PCNX2: variants seen among roughly 807,000 people sequenced by gnomAD.
The protein encoded by PCNX2 is pecanex-like protein 2.
PCNX2 carries 168 observed loss-of-function variants against 223.8 expected under a neutral mutation model. That is an observed-to-expected ratio of 0.75 (90% CI 0.66 to 0.85). PCNX2 has a LOEUF of 0.85. Ranked by LOEUF, PCNX2 falls within the 40% of genes least tolerant of loss-of-function variation. PCNX2 has a pLI of 0.00. For synonymous variants in PCNX2, 1,006 were observed against 1,052.6 expected (o/e 0.96, Z 0.86); for missense variants, 2,507 against 2,675.5 (o/e 0.94, Z 1.39).
chr1:233,256,146 A>G (rs546820478), intron 5 of PCNX2, among the ~76,000 whole-genome samples: 1 of 152,178 alleles, frequency 6.6e-6, no homozygotes, highest in East Asian at 1.9e-4. Context: ...CTCAATTTCC[A>G]GTTTAACCCT....
chr1:233,048,748 T>C (rs981867142), intron 25 of PCNX2, among the ~76,000 whole-genome samples: 10 of 152,084 alleles, frequency 6.6e-5, no homozygotes, highest in African/African-American at 2.2e-4. Flanking sequence ...AGAAGATTGA[T>C]AGACCACTAA....
chr1:233,020,845 T>C (rs1670864767), intron 26 of PCNX2, among the ~76,000 whole-genome samples: 1 of 152,230 alleles, frequency 6.6e-6, no homozygotes, highest in Admixed American at 6.5e-5. Context: ...GTGGGGGAAC[T>C]GACCCAGTTT....
chr1:233,258,877 T>C lies in PCNX2; in HGVS notation c.985A>G (p.Thr329Ala). The change falls in exon 5 of 34, where the codon ACA (threonine) becomes GCA (alanine). Residue 329 changes from threonine to alanine, a missense_variant. Physicochemically the swap from Thr to Ala is moderately conservative, Grantham distance 58 (BLOSUM62 0). Coordinates refer to ENST00000258229, the MANE Select transcript of PCNX2 (RefSeq NM_014801.4). Reference protein sequence around the residue: ...VAKPVEEPADTSCQVDTSCQG... With the variant: ...VAKPVEEPADASCQVDTSCQG... ...CAGGAGGTATCTACCTGACAGGATG[T>C]GTCTGCTGGCTCCTCCACAGGCTTG... 1 of 1,613,930 alleles carries C rather than the reference T, an allele frequency of 6.2e-7. No individual in the cohort carries two copies. Among genetic ancestry groups the C allele is most frequent in the Non-Finnish European group, 8.5e-7 (1 of 1,179,866 alleles).
intron 21 of PCNX2, among the ~76,000 whole-genome samples, chr1:233,106,415 C>A (rs1421283881): frequency 7.2e-6 from 1 of 139,594 alleles, no homozygotes; most frequent in South Asian, 2.2e-4. Context: ...TGCAGTGATG[C>A]AATCTTGGCT....
At chr1:233,113,978 T>C (rs1173534726) in intron 21 of PCNX2, among the ~76,000 whole-genome samples, 1 of 152,244 alleles carries the variant, frequency 6.6e-6, no homozygotes, top group African/African-American at 2.4e-5. Context: ...TGTGCCTGAC[T>C]GTGTTCTGCA....
At position 233,211,769 on chromosome 1, in the gene PCNX2, T is replaced by A; in HGVS notation, c.2692-3080A>T. On this transcript the variant is annotated intron_variant, in intron 12 of 33. Transcript: ENST00000258229. ...AGGACTCAGCCTGACATCACAAAAT[T>A]TCATTCATACTCACCACTCTTTAAA... The A allele has an allele frequency of 4.1e-6, 4 of 985,176 alleles. No homozygotes were observed. The South Asian group carries it at 1.9e-4, about 46-fold the overall frequency. The allele number at this position is 985,176 out of a possible 1,614,324, so 61.0% of individuals were successfully genotyped here. A position where few individuals can be genotyped will look rare whatever the true frequency, so the allele number is the denominator to read the frequency against.
intron 3 of PCNX2, 139 bp from the exon 4 acceptor site, chr1:233,261,460 A>T (rs1660036180): frequency 1.4e-6 from 1 of 729,958 alleles, no homozygotes. Flanking sequence ...CACTCTCCTT[A>T]AGCTTCTATA....
chr1:233,201,415 T>G (rs1681109664), intron 13 of PCNX2: 1 of 152,224 alleles, frequency 6.6e-6, no homozygotes, highest in South Asian at 2.1e-4. Flanking sequence ...AAGACATCAT[T>G]TCTTTTTCAG....
At chr1:233,027,527 A>G (rs902060925) in intron 25 of PCNX2, among the ~76,000 whole-genome samples, 20 of 152,120 alleles carry the variant, frequency 1.3e-4, no homozygotes, top group Non-Finnish European at 2.9e-4. Context: ...ATGTTTCTCT[A>G]TTTTCTAGAG....
chr1:233,107,304 C>T (rs1015821864), intron 21 of PCNX2, among the ~76,000 whole-genome samples: 3 of 152,132 alleles, frequency 2.0e-5, no homozygotes, highest in African/African-American at 7.2e-5. Context: ...GGAGGAATCA[C>T]TTGAGCCCTG....
At chr1:233,163,908 G>A (rs892760426) in intron 17 of PCNX2, among the ~76,000 whole-genome samples, 1 of 152,104 alleles carries the variant, frequency 6.6e-6, no homozygotes, top group Non-Finnish European at 1.5e-5. Context: ...TCCTCTGTAT[G>A]GATATACCAC....
Position 233,045,783 on chromosome 1 carries a change from G to T in PCNX2, c.4351+8485C>A, listed in dbSNP as rs189986561. 3.9e-5 allele frequency among the ~76,000 whole-genome samples: 6 copies of T among 152,186 alleles called. 1 individual carries two copies. Among genetic ancestry groups the T allele is most frequent in the African/African-American group, 1.4e-4 (6 of 41,450 alleles). On this transcript the variant is annotated intron_variant, in intron 25 of 33. Coordinates refer to ENST00000258229, the MANE Select transcript of PCNX2 (RefSeq NM_014801.4). ...TCATCCAGTTTCTGGGGGCAGCTGC[G>T]GTGGCAGTAGCAGTGTCCAGTGTCC...
At chr1:233,236,725 C>T (rs1658439178) in intron 9 of PCNX2, 120 bp downstream of exon 9, 8 of 1,420,168 alleles carry the variant, frequency 5.6e-6, no homozygotes, top group South Asian at 4.1e-5. Context: ...ATCAACAACC[C>T]GTGATGCAAA....
intron 25 of PCNX2, among the ~76,000 whole-genome samples, chr1:233,037,921 A>G (rs1242545557): frequency 1.3e-5 from 2 of 152,168 alleles, no homozygotes; most frequent in African/African-American, 4.8e-5. Context: ...TCACAACACT[A>G]TGTATTTATG....
At chr1:233,207,928 C>T (rs1379643575) in intron 13 of PCNX2, among the ~76,000 whole-genome samples, 1 of 152,080 alleles carries the variant, frequency 6.6e-6, no homozygotes, top group Non-Finnish European at 1.5e-5. Flanking sequence ...CCAGCAGGCA[C>T]CGTAACAACC....
chr1:233,243,528 C>T (rs1485125806), intron 8 of PCNX2, among the ~76,000 whole-genome samples: 1 of 152,144 alleles, frequency 6.6e-6, no homozygotes, highest in African/African-American at 2.4e-5. Context: ...ATCATACATG[C>T]CAAGATGTTG....
At chr1:233,193,560 G>C (rs897580351) in intron 15 of PCNX2, among the ~76,000 whole-genome samples, 4 of 152,166 alleles carry the variant, frequency 2.6e-5, no homozygotes, top group Non-Finnish European at 5.9e-5. Context: ...ACACTGACAA[G>C]TGATGCCAAT....
chr1:233,128,545 G>A (rs1404565140), intron 21 of PCNX2, among the ~76,000 whole-genome samples: 1 of 152,090 alleles, frequency 6.6e-6, no homozygotes, highest in Non-Finnish European at 1.5e-5. Flanking sequence ...ATGTTGACCA[G>A]GCTGGTCTCA....
At chr1:233,195,766 G>C (rs1680690381) in intron 15 of PCNX2, among the ~76,000 whole-genome samples, 1 of 152,136 alleles carries the variant, frequency 6.6e-6, no homozygotes, top group South Asian at 2.1e-4. Context: ...CCTGACCTGA[G>C]AACGAAGTAA....
Sources: gnomAD v4.1 joint callset for allele counts (sites outside exome capture counted in the v4.1 genomes callset) on GRCh38, gnomAD v4.1.1 for gene constraint, MANE v1.5 for transcripts, NCBI Gene and HGNC (gene_info 2026-07-23, HGNC 2026-07-21) for gene names.